Variants in ZNF493 observed in about 807,000 individuals in gnomAD.
ZNF493 encodes zinc finger protein 493.
A neutral mutation model predicts 12.2 loss-of-function variants in ZNF493; 11 were observed. The ratio of observed to expected loss-of-function variants is 0.90; its 90% CI spans 0.57 to 1.50. The LOEUF is 1.50. Among genes scored for constraint, ZNF493 ranks in the 40% most tolerant of loss-of-function variants. The probability of loss-of-function intolerance (pLI) is 0.00; values close to 1 mark genes in which losing one functional copy is unlikely to be tolerated. For synonymous variants in ZNF493, 286 were observed against 302.6 expected, an observed-to-expected ratio of 0.95 and a Z score of 0.57; for missense variants, 950 against 906.6, an observed-to-expected ratio of 1.05 and a Z score of -0.61.
chr19:21,423,404 G>A lies in ZNF493; in HGVS notation c.745G>A (p.Asp249Asn). The change falls in exon 4 of 4, where the codon GAC becomes AAC. Residue 249 changes from aspartate to asparagine, a missense_variant. Asp to Asn is a conservative substitution (Grantham distance 23, BLOSUM62 1). Coordinates refer to ENST00000392288, the MANE Select transcript of ZNF493 (RefSeq NM_001076678.3). ...KYECGKSFNQ[D>N]SNLTTHKRIH... ...TGAATGTGGCAAATCTTTTAACCAG[G>A]ACTCAAACCTTACTACACATAAGAG... The A allele has an allele frequency of 6.2e-7, 1 of 1,613,422 alleles. No homozygotes were observed. The highest frequency in any genetic ancestry group is 1.3e-5 in the African/African-American group (1 of 74,910).
At position 21,424,232 on chromosome 19, in the gene ZNF493, G is replaced by C; in HGVS notation, c.1573G>C (p.Ala525Pro). The C allele has an allele frequency of 6.2e-7, 1 of 1,612,306 alleles. No individual in the cohort carries two copies. The change falls in exon 4 of 4, where the codon GCT becomes CCT. Residue 525 changes from alanine (A) to proline (P), a missense_variant. By Grantham distance (27) the Ala-to-Pro change is conservative (BLOSUM62 -1). Coordinates refer to ENST00000392288, the MANE Select transcript of ZNF493 (RefSeq NM_001076678.3). ...CTACAAATGTGAAGAATGTGGCAAA[G>C]CTTTTAAACGATCTTCAACCCTTAC... ...KPYKCEECGKAFKRSSTLTIH... is the reference protein window; with the variant it reads ...KPYKCEECGKPFKRSSTLTIH...
At chr19:21,408,080 A>G (rs1476653246) in intron 3 of ZNF493, 2 of 974,504 alleles carry the variant, frequency 2.1e-6, no homozygotes, top group Non-Finnish European at 2.4e-6. Flanking sequence ...TTTAGTTGTC[A>G]TGTTACAAGA....
At chr19:21,403,781 T>C (rs2030027441) in intron 1 of ZNF493, among the ~76,000 whole-genome samples, 1 of 152,224 alleles carries the variant, frequency 6.6e-6, no homozygotes, top group South Asian at 2.1e-4. Context: ...CTAATGAGTT[T>C]GTTTTAACTA....
At chr19:21,408,441 T>TAA in intron 3 of ZNF493, 1 of 984,958 alleles carries the variant, frequency 1.0e-6, no homozygotes, top group South Asian at 4.7e-5. Context: ...TTGTTTCTTT[T>TAA]AAATGCTTAT....
At position 21,424,355 on chromosome 19, in the gene ZNF493, AT is replaced by A; in HGVS notation, c.1698del (p.His567IlefsTer27). The A allele has an allele frequency of 6.2e-7, 1 of 1,613,506 alleles. No homozygotes were observed. Among genetic ancestry groups the A allele is most frequent in the Non-Finnish European group, 8.5e-7 (1 of 1,179,712 alleles). ...RSSHLTTHKRIHTGHKPYKCK... is the reference protein window; with the variant it reads ...RSSHLTTHKRXHTGHKPYKCK... ...CTCACACCTTACTACACATAAGAGA[AT>A]TCATACTGGACACAAACCCTACAAA... On this transcript the variant is annotated frameshift_variant, in exon 4 of 4. Coordinates refer to ENST00000392288, the MANE Select transcript of ZNF493 (RefSeq NM_001076678.3). LOFTEE classifies it low-confidence loss of function (END_TRUNC).
rs779597206 is a variant in ZNF493 at position 21,423,221 on chromosome 19, G to A, written c.562G>A (p.Gly188Ser). 6.2e-7 allele frequency: 1 copy of A among 1,613,708 alleles called. No individual in the cohort carries two copies. The highest frequency in any genetic ancestry group is 1.7e-5 in the Admixed American group (1 of 59,990). ...GAAACCTTTCAAATGTAAAAAATGT[G>A]GCAAATCATTTTGCATGCTTTTACA... Reference protein sequence around the residue: ...GKKPFKCKKCGKSFCMLLHLC... With the variant: ...GKKPFKCKKCSKSFCMLLHLC... The change falls in exon 4 of 4, where the codon GGC becomes AGC. Residue 188 changes from glycine (G) to serine (S), a missense_variant. Transcript: ENST00000392288.
chr19:21,413,371 G>A, intron 3 of ZNF493: 1 of 405,702 alleles, frequency 2.5e-6, no homozygotes, highest in Non-Finnish European at 4.3e-6. Flanking sequence ...CTCTGTGTCA[G>A]CCCTTGTTGA....
In ZNF493 at chr19:21,425,840, G is replaced by T; in HGVS notation, c.*856G>T. The stretch of plus-strand genomic sequence containing the variant: ...CTCCTAGTAAACATAATTAATGATG[G>T]AGAGAAACCATACAACTGTGAAGAA... On this transcript the variant is annotated 3_prime_UTR_variant, in exon 4 of 4. Coordinates refer to ENST00000392288, the MANE Select transcript of ZNF493 (RefSeq NM_001076678.3). The T allele has an allele frequency of 1.8e-6, 1 of 562,312 alleles. No individual in the cohort carries two copies. Among genetic ancestry groups the T allele is most frequent in the Non-Finnish European group, 3.5e-6 (1 of 287,594 alleles). The allele number at this position is 562,312 out of a possible 1,614,324, so 34.8% of individuals were successfully genotyped here.
intron 1 of ZNF493, among the ~76,000 whole-genome samples, chr19:21,400,688 A>C (rs1351042360): frequency 6.6e-6 from 1 of 152,186 alleles, no homozygotes; most frequent in Non-Finnish European, 1.5e-5. Context: ...CTGCTGACAG[A>C]AGCTACAGAG....
chr19:21,423,449 C>T lies in ZNF493; in HGVS notation c.790C>T (p.Pro264Ser). Residue 264 changes from proline to serine, a missense_variant, in exon 4 of 4, where the codon CCC (proline) becomes TCC (serine). Transcript: ENST00000392288. The part of the protein sequence containing the change: ...THKRIHTGQK[P>S]YKCEECGTSF... The stretch of plus-strand genomic sequence containing the variant: ...TAAGAGAATTCATACTGGACAGAAA[C>T]CCTACAAATGTGAAGAATGTGGCAC... The T allele has an allele frequency of 6.2e-7, 1 of 1,613,608 alleles. No individual in the cohort carries two copies. Among genetic ancestry groups the T allele is most frequent in the Non-Finnish European group, 8.5e-7 (1 of 1,179,770 alleles).
intron 1 of ZNF493, among the ~76,000 whole-genome samples, chr19:21,399,224 G>A (rs945819530): frequency 3.3e-5 from 5 of 151,764 alleles, no homozygotes; most frequent in Admixed American, 2.6e-4. Context: ...GCTGTGGCCC[G>A]ATCTCGGCTC....
rs2030748832 is a variant in ZNF493 at position 21,423,519 on chromosome 19, A to G, written c.860A>G (p.His287Arg). ...TACCTTACTAGGCATAAGCTAATTC[A>G]TACTAGAGAGAAACCCTATAAATGT... ...FSYLTRHKLI[H>R]TREKPYKCEQ... Residue 287 changes from histidine to arginine, a missense_variant, in exon 4 of 4, where the codon CAT becomes CGT. Coordinates refer to ENST00000392288, the MANE Select transcript of ZNF493 (RefSeq NM_001076678.3). 1 of 1,613,804 alleles carries G rather than the reference A, an allele frequency of 6.2e-7. No individual in the cohort carries two copies. Among genetic ancestry groups the G allele is most frequent in the Non-Finnish European group, 8.5e-7 (1 of 1,179,856 alleles).
chr19:21,425,647 C>G lies in ZNF493; in HGVS notation c.*663C>G. On this transcript the variant is annotated 3_prime_UTR_variant, in exon 4 of 4. Transcript: ENST00000392288. ...GGCAAACCTTTTAACCAATCCTCAA[C>G]CCTTACTACACATTAGATAATTCAT... The G allele has an allele frequency of 1.2e-6, 1 of 814,620 alleles. No homozygotes were observed. The highest frequency in any genetic ancestry group is 1.9e-5 in the Admixed American group (1 of 51,810). 50.5% of individuals were successfully genotyped at this position (814,620 alleles called of 1,614,324 possible).
chr19:21,405,071 A>G (rs994462791), intron 1 of ZNF493, 58 bp from the exon 2 acceptor site: 2 of 1,539,330 alleles, frequency 1.3e-6, no homozygotes, highest in Non-Finnish European at 1.7e-6. Context: ...CAAATGATAA[A>G]TTTTGCCCAC....
chr19:21,419,878 G>A (rs1203275325), intron 3 of ZNF493, among the ~76,000 whole-genome samples: 5 of 152,114 alleles, frequency 3.3e-5, no homozygotes, highest in African/African-American at 1.2e-4. Context: ...GGAAGAGAGA[G>A]TAAAAATGTT....
In ZNF493 at chr19:21,405,080, A is replaced by G. The variant is rs778362236; in HGVS notation, c.31-49A>G. On this transcript the variant is annotated intron_variant, in intron 1 of 3. Coordinates refer to ENST00000392288, the MANE Select transcript of ZNF493 (RefSeq NM_001076678.3). Reference sequence around the variant, plus strand: ...TTAATTCAAATGATAAATTTTGCCCACGTGTAAATGTGTGTGTGTGTGTGT... The same window carrying G: ...TTAATTCAAATGATAAATTTTGCCCGCGTGTAAATGTGTGTGTGTGTGTGT... 1.1e-5 allele frequency: 17 copies of G among 1,528,322 alleles called. No individual in the cohort carries two copies. In the East Asian group the frequency reaches 3.5e-4, roughly 31 times the overall value. The allele number at this position is 1,528,322 out of a possible 1,614,324, so 94.7% of individuals were successfully genotyped here.
In ZNF493 at chr19:21,423,209, T is replaced by G. The variant is rs141102066; in HGVS notation, c.550T>G (p.Cys184Gly). 55 of 1,613,680 alleles carry G rather than the reference T, an allele frequency of 3.4e-5. No homozygotes were observed. Among genetic ancestry groups the G allele is most frequent in the Non-Finnish European group, 4.6e-5 (54 of 1,179,860 alleles). Residue 184 changes from cysteine to glycine, a missense_variant, in exon 4 of 4, where the codon TGT becomes GGT. Coordinates refer to ENST00000392288, the MANE Select transcript of ZNF493 (RefSeq NM_001076678.3). ...ACATACTGGAAAGAAACCTTTCAAA[T>G]GTAAAAAATGTGGCAAATCATTTTG... ...TKHTGKKPFK[C>G]KKCGKSFCML...
chr19:21,409,122 G>C (rs1314813905), intron 3 of ZNF493, among the ~76,000 whole-genome samples: 1 of 151,858 alleles, frequency 6.6e-6, no homozygotes, highest in East Asian at 1.9e-4. Context: ...CTGACCTCGT[G>C]ATCTGCCTGC....
intron 3 of ZNF493, chr19:21,408,140 T>C: frequency 1.2e-6 from 1 of 856,930 alleles, no homozygotes; most frequent in Middle Eastern, 6.0e-4. Flanking sequence ...TTTTTTTTTT[T>C]TTTGAGACAG....
Sources: gnomAD v4.1 joint callset for allele counts (sites outside exome capture counted in the v4.1 genomes callset) on GRCh38, gnomAD v4.1.1 for gene constraint, MANE v1.5 for transcripts, NCBI Gene and HGNC (gene_info 2026-07-23, HGNC 2026-07-21) for gene names.